The following VWA8 variants were observed in gnomAD, a reference collection of about 807,000 sequenced individuals.
VWA8 encodes von Willebrand factor A domain containing 8, also known as von Willebrand factor A domain-containing protein 8.
Under a neutral mutation model 241.5 loss-of-function variants are expected in VWA8, and 221 were observed. That is an observed-to-expected ratio of 0.91 (90% CI 0.82 to 1.02). The LOEUF (loss-of-function observed/expected upper bound fraction) is 1.02. Ranked by LOEUF, VWA8 falls within the 50% of genes least tolerant of loss-of-function variation. The probability of loss-of-function intolerance (pLI) is 0.00; values close to 1 mark genes in which losing one functional copy is unlikely to be tolerated. For synonymous variants in VWA8, 852 were observed against 827.1 expected, an observed-to-expected ratio of 1.03 and a Z score of -0.52; for missense variants, 2,322 against 2,328.7, an observed-to-expected ratio of 1.00 and a Z score of 0.06.
chr13:41,787,537 T>C lies in VWA8; in HGVS notation c.2070A>G (p.Leu690=), dbSNP rs769543712. ...CTAATGCTGACCTAGCAAGACTGGGTAAAAACCTGGAGGATGAAGAGGGAG... is the reference window on the plus strand; with the variant it reads ...CTAATGCTGACCTAGCAAGACTGGGCAAAAACCTGGAGGATGAAGAGGGAG... ...AVTKACLSRF[L]PSLARSALEK... Residue 690 remains leucine (L), a synonymous_variant, in exon 18 of 45, where the codon TTA becomes TTG. Coordinates refer to ENST00000379310, the MANE Select transcript of VWA8 (RefSeq NM_015058.2). 6.2e-7 allele frequency: 1 copy of C among 1,609,970 alleles called. No individual in the cohort carries two copies. Among genetic ancestry groups the C allele is most frequent in the Non-Finnish European group, 8.5e-7 (1 of 1,177,584 alleles).
chr13:41,916,733 T>G (rs1876276706), intron 2 of VWA8, among the ~76,000 whole-genome samples: 1 of 152,216 alleles, frequency 6.6e-6, no homozygotes, highest in African/African-American at 2.4e-5. Flanking sequence ...ACTAGCTGTA[T>G]TTTTAGAATG....
chr13:41,829,937 A>C (rs959682845), intron 14 of VWA8, among the ~76,000 whole-genome samples: 1 of 152,048 alleles, frequency 6.6e-6, no homozygotes, highest in Non-Finnish European at 1.5e-5. Context: ...TGAAATAAAA[A>C]ATTTTTTTAA....
At chr13:41,579,788 C>T (rs1299381688) in intron 42 of VWA8, among the ~76,000 whole-genome samples, 1 of 152,182 alleles carries the variant, frequency 6.6e-6, no homozygotes, top group Non-Finnish European at 1.5e-5. Context: ...TAACAGACTT[C>T]CTTAAGGGTG....
intron 4 of VWA8, among the ~76,000 whole-genome samples, 200 bp from the exon 5 acceptor site, chr13:41,891,787 C>T (rs1038183948): frequency 1.3e-5 from 2 of 152,054 alleles, no homozygotes; most frequent in Admixed American, 1.3e-4. Flanking sequence ...CCTGTTTATT[C>T]GTTTGTAAAA....
intron 1 of VWA8, among the ~76,000 whole-genome samples, chr13:41,952,354 C>T (rs1878173616): frequency 6.6e-6 from 1 of 152,156 alleles, no homozygotes; most frequent in Admixed American, 6.5e-5. Flanking sequence ...CTGGTCATCT[C>T]GCCCTATTTT....
At chr13:41,744,998 C>T (rs185113158) in intron 21 of VWA8, among the ~76,000 whole-genome samples, 28 of 152,050 alleles carry the variant, frequency 1.8e-4, no homozygotes, top group African/African-American at 5.8e-4. Flanking sequence ...CCACCACGAC[C>T]GGCTAATTTC....
At chr13:41,731,193 C>T (rs2045480332) in intron 22 of VWA8, among the ~76,000 whole-genome samples, 1 of 151,956 alleles carries the variant, frequency 6.6e-6, no homozygotes, top group Non-Finnish European at 1.5e-5. Flanking sequence ...AAAGACTCCA[C>T]TCCCTGGGGT....
intron 9 of VWA8, among the ~76,000 whole-genome samples, chr13:41,882,585 C>G (rs573033264): frequency 6.6e-6 from 1 of 152,236 alleles, no homozygotes; most frequent in African/African-American, 2.4e-5. Context: ...GCGGATCACT[C>G]GCGGTTAGGA....
At chr13:41,575,692 T>G in intron 43 of VWA8, 48 bp downstream of exon 43, 1 of 1,416,160 alleles carries the variant, frequency 7.1e-7, no homozygotes, top group Non-Finnish European at 9.9e-7. Flanking sequence ...AGTCTTTACC[T>G]AACCTGATAG....
intron 2 of VWA8, among the ~76,000 whole-genome samples, chr13:41,917,094 T>G (rs1186820978): frequency 6.6e-6 from 1 of 152,204 alleles, no homozygotes; most frequent in Non-Finnish European, 1.5e-5. Flanking sequence ...ATGTACTATT[T>G]TTTGCCCAGC....
At chr13:41,641,288 C>T (rs185336492) in intron 37 of VWA8, among the ~76,000 whole-genome samples, 39 of 151,864 alleles carry the variant, frequency 2.6e-4, no homozygotes, top group African/African-American at 7.7e-4. Flanking sequence ...ACAACTAGAG[C>T]GAGAATTGCG....
chr13:41,704,941 T>A (rs1593708330), intron 26 of VWA8, among the ~76,000 whole-genome samples: 1 of 152,282 alleles, frequency 6.6e-6, no homozygotes, highest in South Asian at 2.1e-4. Context: ...AAGAACACGT[T>A]TATATTTAGA....
Position 41,863,273 on chromosome 13 carries a change from G to A in VWA8, c.1425+2463C>T, listed in dbSNP as rs951051245. Among the ~76,000 whole-genome samples, 17 of 150,952 alleles carry A rather than the reference G, an allele frequency of 1.1e-4. 1 individual carries two copies. Among genetic ancestry groups the A allele is most frequent in the African/African-American group, 4.2e-4 (17 of 40,698 alleles). On this transcript the variant is annotated intron_variant, in intron 12 of 44. Transcript: ENST00000379310. ...TCCACATTCTCCAGTTTTGAGACTT[G>A]GAGTGGCTCTCCTTGCTCCTCAAGC... is the stretch of plus-strand genomic sequence containing the variant.
rs78161810 is a variant in VWA8 at position 41,685,059 on chromosome 13, T to G, written c.4315A>C (p.Ile1439Leu). 7.5e-3 allele frequency: 12,128 copies of G among 1,612,892 alleles called. 108 individuals carry two copies. The highest frequency in any genetic ancestry group is 0.04 in the African/African-American group (3,007 of 74,894). Reference sequence around the variant, plus strand: ...AGTTCCTTCTTACCTTTTGGGTAGATATCTTTTAGAGGGACTTCTCCTGGG... The same window carrying G: ...AGTTCCTTCTTACCTTTTGGGTAGAGATCTTTTAGAGGGACTTCTCCTGGG... ...LPPGEVPLKD[I>L]YPKDVTPPQT... The change falls in exon 35 of 45, where the codon ATC (isoleucine) becomes CTC (leucine). Residue 1439 changes from isoleucine to leucine, a missense_variant. Ile to Leu is a conservative substitution (Grantham distance 5). Coordinates refer to ENST00000379310, the MANE Select transcript of VWA8 (RefSeq NM_015058.2).
intron 29 of VWA8, among the ~76,000 whole-genome samples, chr13:41,695,754 G>C (rs928464642): frequency 2.6e-5 from 4 of 152,188 alleles, no homozygotes; most frequent in Non-Finnish European, 4.4e-5. Context: ...GGCAGTATAT[G>C]AGGAGGCAAG....
chr13:41,732,295 G>T, intron 21 of VWA8, 140 bp from the exon 22 acceptor site: 2 of 624,024 alleles, frequency 3.2e-6, no homozygotes, highest in South Asian at 2.1e-5. Context: ...AAAAAAAACA[G>T]CAAGTGAAAT....
At chr13:41,808,849 G>GAA (rs56183356) in intron 17 of VWA8, among the ~76,000 whole-genome samples, 10 of 149,872 alleles carry the variant, frequency 6.7e-5, no homozygotes, top group East Asian at 3.9e-4. Flanking sequence ...GCTTATACTT[G>GAA]AAAAAAAAAC....
In VWA8 at chr13:41,883,397, C is replaced by G; in HGVS notation, c.1070G>C (p.Gly357Ala). The G allele has an allele frequency of 6.2e-7, 1 of 1,611,670 alleles. No homozygotes were observed. Among genetic ancestry groups the G allele is most frequent in the African/African-American group, 1.3e-5 (1 of 74,960 alleles). Residue 357 changes from glycine to alanine, a missense_variant, in exon 9 of 45, where the codon GGT (glycine) becomes GCT (alanine). By Grantham distance (60) the Gly-to-Ala change is moderately conservative. Transcript: ENST00000379310. Reference sequence around the variant, plus strand: ...GAAGCAGACACTCACCTTTAAAACACCTTCCACAGCCATCTTCCCTTCATG... The same window carrying G: ...GAAGCAGACACTCACCTTTAAAACAGCTTCCACAGCCATCTTCCCTTCATG... Reference protein sequence around the residue: ...LGHEGKMAVEGVLKRFELQDS... With the variant: ...LGHEGKMAVEAVLKRFELQDS...
At chr13:41,633,487 G>C (rs73464994) in intron 37 of VWA8, among the ~76,000 whole-genome samples, 5,039 of 152,270 alleles carry the variant, frequency 0.033, 283 homozygotes, top group African/African-American at 0.11. Context: ...CCTGATAACT[G>C]CTCTCCTGGA....
Sources: gnomAD v4.1 joint callset for allele counts (sites outside exome capture counted in the v4.1 genomes callset) on GRCh38, gnomAD v4.1.1 for gene constraint, MANE v1.5 for transcripts, NCBI Gene and HGNC (gene_info 2026-07-23, HGNC 2026-07-21) for gene names.